The following ICE1 variants were observed in gnomAD, a reference collection of about 807,000 sequenced individuals.
The protein encoded by ICE1 is interactor of little elongation complex ELL subunit 1.
In ICE1, 64 loss-of-function variants were observed where a neutral mutation model predicts 192.7. That is an observed-to-expected ratio of 0.33 (90% CI 0.27 to 0.41). The LOEUF (loss-of-function observed/expected upper bound fraction) is 0.41, where lower values mean the gene tolerates loss of function less well. Ranked by LOEUF, ICE1 falls within the 10% of genes least tolerant of loss-of-function variation. The pLI is 1.00. For missense variants in ICE1, 2,708 were observed against 2,696.0 expected (o/e 1.00, Z -0.10); for synonymous variants, 1,010 against 984.5 (o/e 1.03, Z -0.49).
chr5:5,423,866 A>G (rs566748164), intron 1 of ICE1, among the ~76,000 whole-genome samples: 4 of 152,346 alleles, frequency 2.6e-5, no homozygotes, highest in South Asian at 2.1e-4. Flanking sequence ...AGGATCTCTC[A>G]TAAGTAAGAT....
intron 1 of ICE1, 92 bp downstream of exon 1, chr5:5,423,091 G>A (rs921197170): frequency 2.1e-5 from 15 of 698,312 alleles, no homozygotes; most frequent in Non-Finnish European, 2.6e-5. Context: ...CGCGGGCTGT[G>A]CCTCAGTGCG....
chr5:5,478,705 G>T (rs1019250201), intron 17 of ICE1, among the ~76,000 whole-genome samples: 8 of 151,982 alleles, frequency 5.3e-5, no homozygotes, highest in Non-Finnish European at 5.9e-5. Context: ...ATACTAAAAG[G>T]CTATAGAAGC....
At chr5:5,476,128 G>A (rs1412723867) in intron 17 of ICE1, 49 bp downstream of exon 17, 4 of 1,097,586 alleles carry the variant, frequency 3.6e-6, no homozygotes, top group Non-Finnish European at 5.0e-6. Flanking sequence ...TGATATCTTG[G>A]TGGAAGGCTG....
Position 5,463,234 on chromosome 5 carries a change from A to G in ICE1, c.3900A>G (p.Lys1300=). The G allele has an allele frequency of 3.1e-6, 5 of 1,612,326 alleles. No homozygotes were observed. The highest frequency in any genetic ancestry group is 4.2e-6 in the Non-Finnish European group (5 of 1,179,336). The change falls in exon 13 of 19, where the codon AAA becomes AAG. Residue 1300 remains lysine (K), a synonymous_variant. Transcript: ENST00000296564. ...ACAACATGACCACTGAGAATTTAAA[A>G]GAGAAAAGTCCATTTCGGGAAACGA... The part of the protein sequence containing the change: ...VNNNMTTENL[K]EKSPFRETTG...
At chr5:5,481,194 A>G (rs1248129571) in intron 17 of ICE1, among the ~76,000 whole-genome samples, 21 of 152,174 alleles carry the variant, frequency 1.4e-4, no homozygotes, top group Non-Finnish European at 2.9e-5. Context: ...ATTAGAAGAG[A>G]TGTTTTAAGG....
chr5:5,422,950 G>T lies in ICE1; in HGVS notation c.35G>T (p.Gly12Val), dbSNP rs1216800393. 6.9e-7 allele frequency: 1 copy of T among 1,450,300 alleles called. No individual in the cohort carries two copies. Among genetic ancestry groups the T allele is most frequent in the Admixed American group, 2.4e-5 (1 of 41,580 alleles). 89.8% of individuals were successfully genotyped at this position (1,450,300 alleles called of 1,614,324 possible). The change falls in exon 1 of 19, where the codon GGG (glycine) becomes GTG (valine). Residue 12 changes from glycine (G) to valine (V), a missense_variant. Around this residue, in one of 2 missense-constraint regions of ICE1, gnomAD observed 2,366 missense variants for 2,276.6 expected, o/e 1.04. Coordinates refer to ENST00000296564, the MANE Select transcript of ICE1 (RefSeq NM_015325.3). Reference sequence around the variant, plus strand: ...GGCGAGACCCATTCGGCGGCGCCCGGGACGGCGGCGGACCTGTCGCGATGT... The same window carrying T: ...GGCGAGACCCATTCGGCGGCGCCCGTGACGGCGGCGGACCTGTCGCGATGT... ...MPGETHSAAP[G>V]TAADLSRCQG...
At chr5:5,439,654 ACT>A (rs1737980283) in intron 3 of ICE1, among the ~76,000 whole-genome samples, 1 of 152,040 alleles carries the variant, frequency 6.6e-6, no homozygotes, top group South Asian at 2.1e-4. Flanking sequence ...TATTCACAGA[ACT>A]CTATTTAGAG....
At chr5:5,441,006 CTT>C in intron 4 of ICE1, 104 bp from the exon 5 acceptor site, 2 of 668,156 alleles carry the variant, frequency 3.0e-6, no homozygotes, top group Non-Finnish European at 5.0e-6. Context: ...CTTTTTCATC[CTT>C]TTTTTTGTTC....
At chr5:5,482,111 A>T (rs1739518748) in intron 17 of ICE1, among the ~76,000 whole-genome samples, 1 of 152,240 alleles carries the variant, frequency 6.6e-6, no homozygotes, top group Non-Finnish European at 1.5e-5. Context: ...AATTAAGAAT[A>T]TGTTAATAGT....
At chr5:5,447,693 AAACAC>A in intron 8 of ICE1, 23 bp from the exon 9 acceptor site, 4 of 1,549,342 alleles carry the variant, frequency 2.6e-6, no homozygotes, top group Non-Finnish European at 3.5e-6. Context: ...TATTCAGCAT[AAACAC>A]TATTAATATT....
chr5:5,468,822 TGATA>T lies in ICE1; in HGVS notation c.6062-2_6063del. On this transcript the variant is annotated splice_acceptor_variant and splice_polypyrimidine_tract_variant and intron_variant, in intron 14 of 18. Transcript: ENST00000296564. LOFTEE classifies it high-confidence loss of function. ...AAGAGTTATTGTATTATTTTATTTC[TGATA>T]GATTTTCCGGAGTCTGAAAAATTAA... 1 of 1,542,762 alleles carries T rather than the reference TGATA, an allele frequency of 6.5e-7. No homozygotes were observed. Among genetic ancestry groups the T allele is most frequent in the Non-Finnish European group, 8.8e-7 (1 of 1,135,036 alleles).
intron 10 of ICE1, among the ~76,000 whole-genome samples, chr5:5,450,474 A>C (rs1273272875): frequency 1.3e-5 from 2 of 152,284 alleles, no homozygotes; most frequent in South Asian, 4.1e-4. Flanking sequence ...AGGACTTCTC[A>C]GAGGGGAGAA....
At chr5:5,444,050 A>T (rs866763610) in intron 6 of ICE1, among the ~76,000 whole-genome samples, 1 of 152,204 alleles carries the variant, frequency 6.6e-6, no homozygotes, top group South Asian at 2.1e-4. Context: ...AGATGTACTC[A>T]TGGCAGAAAT....
In ICE1 at chr5:5,463,085, C is replaced by T. The variant is rs1738851532; in HGVS notation, c.3751C>T (p.Leu1251Phe). 1 of 1,613,472 alleles carries T rather than the reference C, an allele frequency of 6.2e-7. No homozygotes were observed. The highest frequency in any genetic ancestry group is 8.5e-7 in the Non-Finnish European group (1 of 1,179,700). The change falls in exon 13 of 19, where the codon CTC becomes TTC. Residue 1251 changes from leucine to phenylalanine, a missense_variant. Leu to Phe is a conservative substitution (Grantham distance 22). Around this residue, in one of 2 missense-constraint regions of ICE1, gnomAD observed 2,366 missense variants for 2,276.6 expected, o/e 1.04. Coordinates refer to ENST00000296564, the MANE Select transcript of ICE1 (RefSeq NM_015325.3). Reference sequence around the variant, plus strand: ...TTATTCGTTAAAAAATACAAGTCAGCTCACTCAGTGTTCTTTGGAAACTCT... The same window carrying T: ...TTATTCGTTAAAAAATACAAGTCAGTTCACTCAGTGTTCTTTGGAAACTCT... ...DDYSLKNTSQ[L>F]TQCSLETLSE...
At chr5:5,468,697 C>G in intron 14 of ICE1, 131 bp from the exon 15 acceptor site, 1 of 516,814 alleles carries the variant, frequency 1.9e-6, no homozygotes, top group Non-Finnish European at 3.2e-6. Flanking sequence ...ATCTGGGCTC[C>G]CCATTTACAG....
chr5:5,430,081 G>A (rs767072041), intron 1 of ICE1, among the ~76,000 whole-genome samples: 2 of 152,158 alleles, frequency 1.3e-5, no homozygotes, highest in Admixed American at 6.5e-5. Flanking sequence ...AAGAGAAAGC[G>A]ATAATCGAGG....
At chr5:5,433,806 C>T (rs1737792641) in intron 1 of ICE1, among the ~76,000 whole-genome samples, 1 of 152,016 alleles carries the variant, frequency 6.6e-6, no homozygotes. Flanking sequence ...CAATTCTGTA[C>T]CTAGCAAAGT....
chr5:5,475,393 A>G (rs1454819130), intron 16 of ICE1, among the ~76,000 whole-genome samples: 1 of 152,212 alleles, frequency 6.6e-6, no homozygotes. Flanking sequence ...TTTTGTCTAC[A>G]TTAAACTTTT....
At position 5,448,959 on chromosome 5, in the gene ICE1, C is replaced by T. The variant is rs181398841; in HGVS notation, c.604+1062C>T. Among the ~76,000 whole-genome samples the T allele has an allele frequency of 1.2e-4, 19 of 152,250 alleles. 1 individual carries two copies. Among genetic ancestry groups the T allele is most frequent in the African/African-American group, 4.6e-4 (19 of 41,554 alleles). On this transcript the variant is annotated intron_variant, in intron 10 of 18. Coordinates refer to ENST00000296564, the MANE Select transcript of ICE1 (RefSeq NM_015325.3). Reference sequence around the variant, plus strand: ...AGTTACTGCTGAGAGAAATAGAAGACGTGACAACGTTTGCTTTCCCATTCA... The same window carrying T: ...AGTTACTGCTGAGAGAAATAGAAGATGTGACAACGTTTGCTTTCCCATTCA...
Sources: allele counts gnomAD v4.1 joint callset (sites outside exome capture counted in the v4.1 genomes callset), GRCh38; gene constraint gnomAD v4.1.1; regional missense constraint gnomAD v4.1.1; transcripts MANE v1.5; gene names NCBI Gene and HGNC (gene_info 2026-07-23, HGNC 2026-07-21).